Variants in ANO1 observed in about 807,000 individuals in gnomAD.
ANO1 encodes anoctamin-1.
A neutral mutation model predicts 124.0 loss-of-function variants in ANO1; 59 were observed. The observed-to-expected ratio is 0.48, with a 90% CI of 0.39 to 0.59. ANO1 has a LOEUF of 0.59. Among genes scored for constraint, ANO1 ranks in the 20% least tolerant of loss-of-function variants. The pLI, the probability that ANO1 is intolerant of heterozygous loss-of-function variation, is 0.00. For missense variants in ANO1, 1,059 were observed against 1,328.0 expected (o/e 0.80, Z 3.15); for synonymous variants, 529 against 532.0 (o/e 0.99, Z 0.08).
At chr11:70,131,332 T>C (rs58532637) in intron 10 of ANO1, among the ~76,000 whole-genome samples, 15,471 of 148,360 alleles carry the variant, frequency 0.1, 848 homozygotes, top group Middle Eastern at 0.13. Flanking sequence ...TGTGTGTGTG[T>C]GCGCGTCTGT....
At position 70,155,977 on chromosome 11, in the gene ANO1, G is replaced by T. The variant is rs1434336906; in HGVS notation, c.1492G>T (p.Gly498Trp). 1.3e-6 allele frequency: 2 copies of T among 1,525,588 alleles called. No homozygotes were observed. Among genetic ancestry groups the T allele is most frequent in the African/African-American group, 1.4e-5 (1 of 71,194 alleles). The allele number at this position is 1,525,588 out of a possible 1,614,324, so 94.5% of individuals were successfully genotyped here. A position where few individuals can be genotyped will look rare whatever the true frequency, so the allele number is the denominator to read the frequency against. The change falls in exon 15 of 26, where the codon GGG (glycine) becomes TGG (tryptophan). Residue 498 changes from glycine to tryptophan, a missense_variant. By Grantham distance (184) the Gly-to-Trp change is radical. Coordinates refer to ENST00000355303, the MANE Select transcript of ANO1 (RefSeq NM_018043.7). Reference protein sequence around the residue: ...WKQRVKTAMAGVKLTDKVKLT... With the variant: ...WKQRVKTAMAWVKLTDKVKLT... Reference sequence around the variant, plus strand: ...GCAGAGGGTTAAGACAGCCATGGCGGGGGTGAAATTGGTACTTTTCTATTT... The same window carrying T: ...GCAGAGGGTTAAGACAGCCATGGCGTGGGTGAAATTGGTACTTTTCTATTT...
chr11:69,974,001 G>A, the ANO1 span, among the ~76,000 whole-genome samples: 1 of 152,134 alleles, frequency 6.6e-6, no homozygotes, highest in East Asian at 1.9e-4. Context: ...AGGGAAGATA[G>A]GGTTCAGAAA....
intron 1 of ANO1, among the ~76,000 whole-genome samples, chr11:70,081,952 A>G (rs2044214231): frequency 6.6e-6 from 1 of 152,102 alleles, no homozygotes; most frequent in African/African-American, 2.4e-5. Context: ...TTCCAGGAGT[A>G]CCTCCCTCAG....
At chr11:69,969,034 T>C in the ANO1 span, among the ~76,000 whole-genome samples, 10 of 152,170 alleles carry the variant, frequency 6.6e-5, no homozygotes, top group Non-Finnish European at 1.0e-4. Flanking sequence ...GTTAGATATG[T>C]GGCAGTCAGT....
chr11:69,992,707 C>T (rs1033834089), intron 1 of ANO1, among the ~76,000 whole-genome samples: 1 of 152,192 alleles, frequency 6.6e-6, no homozygotes, highest in African/African-American at 2.4e-5. Context: ...CTTGTTGCTG[C>T]AGGAGCCACA....
Position 70,163,301 on chromosome 11 carries a change from C to CGACT in ANO1, c.1912_1915dup (p.Tyr639Ter). The CGACT allele has an allele frequency of 6.2e-7, 1 of 1,613,812 alleles. No individual in the cohort carries two copies. The highest frequency in any genetic ancestry group is 8.5e-7 in the Non-Finnish European group (1 of 1,179,878). On this transcript the variant is annotated frameshift_variant, in exon 19 of 26. Transcript: ENST00000355303. LOFTEE classifies it high-confidence loss of function. ...GTTTCAGGTTTGTTGGACGCCCGGG[C>CGACT]GACTACGTGTACATTTTCCGTTCCT...
chr11:70,187,669 G>C, intron 25 of ANO1, 69 bp from the exon 26 acceptor site: 1 of 1,523,824 alleles, frequency 6.6e-7, no homozygotes. Context: ...ATGGGGGCCA[G>C]GCAGAGAGGT....
intron 1 of ANO1, among the ~76,000 whole-genome samples, chr11:70,087,393 C>T (rs1436987100): frequency 2.0e-5 from 3 of 152,136 alleles, no homozygotes; most frequent in African/African-American, 7.2e-5. Context: ...TTTTTGTACC[C>T]ATTAACCATC....
chr11:70,142,804 C>T (rs1483040171), intron 11 of ANO1, among the ~76,000 whole-genome samples: 2 of 152,174 alleles, frequency 1.3e-5, no homozygotes, highest in Admixed American at 6.5e-5. Flanking sequence ...TTCAGACAGC[C>T]ACCTTCTCCC....
chr11:70,121,342 C>T (rs557990080), intron 8 of ANO1, among the ~76,000 whole-genome samples: 28 of 151,172 alleles, frequency 1.9e-4, no homozygotes, highest in Middle Eastern at 3.4e-3. Flanking sequence ...CTGTCTTCCT[C>T]CCCCACCTCT....
intron 1 of ANO1, among the ~76,000 whole-genome samples, chr11:70,008,318 C>T (rs1856530506): frequency 6.6e-6 from 1 of 152,154 alleles, no homozygotes; most frequent in Admixed American, 6.5e-5. Flanking sequence ...AGAAACAATG[C>T]CAAGTCATGT....
At chr11:70,076,087 T>G (rs1405744961), upstream of ANO1, among the ~76,000 whole-genome samples, 2 of 152,192 alleles carry the variant, frequency 1.3e-5, no homozygotes, top group African/African-American at 4.8e-5. Flanking sequence ...ATGTCCACAC[T>G]GTCCACCTGG....
At chr11:70,114,988 C>T (rs1032166083) in intron 7 of ANO1, among the ~76,000 whole-genome samples, 6 of 152,132 alleles carry the variant, frequency 3.9e-5, no homozygotes, top group Admixed American at 6.5e-5. Flanking sequence ...TCCTGACTAA[C>T]GAGGTCACCA....
rs971657844 is a variant in ANO1, at chr11:70,038,906, G to A, written c.59-39636G>A. 5.3e-5 allele frequency among the ~76,000 whole-genome samples: 8 copies of A among 152,196 alleles called. No homozygotes were observed. In the South Asian group the frequency reaches 6.3e-4, roughly 12 times the overall value. On this transcript the variant is annotated intron_variant, in intron 1 of 27. Coordinates refer to the ANO1 transcript ENST00000531349. ...TGTGAGAGGAGTGTGTATAACCTTC[G>A]GGAGAGAAAATAGAAGGGGGAAGGG...
intron 7 of ANO1, 73 bp downstream of exon 7, chr11:70,111,835 G>A (rs958210853): frequency 2.1e-6 from 3 of 1,445,942 alleles, no homozygotes; most frequent in African/African-American, 2.8e-5. Context: ...ACACCCCCCC[G>A]GGAGCTGCAA....
At chr11:70,137,970 T>C (rs2047010229) in intron 11 of ANO1, among the ~76,000 whole-genome samples, 1 of 147,806 alleles carries the variant, frequency 6.8e-6, no homozygotes, top group African/African-American at 2.4e-5. Context: ...CCTTGGGTCC[T>C]AGGAGATTGA....
rs529864311 is a variant in ANO1 at position 70,187,995 on chromosome 11, C to T, written c.2952C>T (p.Gly984=). ...CCCCCAGCCATGCCTACCACGGGGG[C>T]GTCCTGTAGCTATGCCAGCGGGGCT... ...SPAPSHAYHG[G]VL is the part of the protein sequence containing the mutation. Residue 984 remains glycine, a synonymous_variant, in exon 26 of 26, where the codon GGC becomes GGT. Transcript: ENST00000355303. 1.2e-5 allele frequency: 18 copies of T among 1,561,284 alleles called. No homozygotes were observed. Among genetic ancestry groups the T allele is most frequent in the African/African-American group, 2.7e-5 (2 of 73,776 alleles).
At chr11:70,083,225 G>T (rs55954527) in intron 1 of ANO1, among the ~76,000 whole-genome samples, 1 of 152,152 alleles carries the variant, frequency 6.6e-6, no homozygotes, top group Admixed American at 6.5e-5. Context: ...CTCTATGCTA[G>T]GCCCTGTTGG....
At position 70,010,181 on chromosome 11, in the gene ANO1, A is replaced by ATATATATATGTG. The variant is rs1555000866; in HGVS notation, c.58+24024_58+24025insGTGTATATATAT. On this transcript the variant is annotated intron_variant, in intron 1 of 27. Coordinates refer to the ANO1 transcript ENST00000531349. ...TGTGTGTGTGCGCGTGTGTGTGTGT[A>ATATATATATGTG]TATATATATATATATATCACATTTT... Among the ~76,000 whole-genome samples, 15 of 51,660 alleles carry ATATATATATGTG rather than the reference A, an allele frequency of 2.9e-4. 1 individual carries two copies. The highest frequency in any genetic ancestry group is 9.2e-4 in the African/African-American group (15 of 16,380). 33.9% of individuals were successfully genotyped at this position (51,660 alleles called of 152,430 possible).
Sources: allele counts gnomAD v4.1 joint callset (sites outside exome capture counted in the v4.1 genomes callset), GRCh38; gene constraint gnomAD v4.1.1; transcripts MANE v1.5; gene names NCBI Gene and HGNC (gene_info 2026-07-23, HGNC 2026-07-21).